Variants in PCBP3 observed in about 807,000 individuals in gnomAD.
PCBP3 encodes poly(rC)-binding protein 3.
A neutral mutation model predicts 52.7 loss-of-function variants in PCBP3; 25 were observed. That is an observed-to-expected ratio of 0.47 (90% confidence interval 0.35 to 0.66). PCBP3 has a LOEUF of 0.66. Among genes scored for constraint, PCBP3 ranks in the 30% least tolerant of loss-of-function variants. The probability of loss-of-function intolerance (pLI) is 0.01; values close to 1 mark genes in which losing one functional copy is unlikely to be tolerated. For missense variants in PCBP3, 391 were observed against 490.3 expected, an observed-to-expected ratio of 0.80 and a Z score of 1.91; for synonymous variants, 162 against 183.0, an observed-to-expected ratio of 0.89 and a Z score of 0.93.
rs1416305013 is a variant in PCBP3 at position 45,704,493 on chromosome 21, C to G, written c.-199-30899C>G. Among the ~76,000 whole-genome samples the G allele has an allele frequency of 6.6e-6, 1 of 152,132 alleles. No individual in the cohort carries two copies. Among genetic ancestry groups the G allele is most frequent in the Admixed American group, 6.5e-5 (1 of 15,278 alleles). ...CGTCTGCCCCCATTTTCCTGCTCTC[C>G]CCTGGCAGAGGCGCCCCAGGGGGCT... On this transcript the variant is annotated intron_variant, in intron 2 of 17. Coordinates refer to ENST00000681687, the MANE Select transcript of PCBP3 (RefSeq NM_001384156.1). This position sits in a 1 kb window ranked among gnomAD's most constrained non-coding sequence, Gnocchi z 4.1.
chr21:45,720,655 C>T (rs1229343370), intron 2 of PCBP3, among the ~76,000 whole-genome samples: 1 of 152,082 alleles, frequency 6.6e-6, no homozygotes, highest in Non-Finnish European at 1.5e-5. Context: ...TTTGAAAACA[C>T]CTTCACTGTA....
At chr21:45,708,344 A>G (rs1484263924) in intron 2 of PCBP3, among the ~76,000 whole-genome samples, 2 of 152,148 alleles carry the variant, frequency 1.3e-5, no homozygotes, top group African/African-American at 4.8e-5. Flanking sequence ...ATTTCTGCCC[A>G]ATTCCAAGGT....
At position 45,931,734 on chromosome 21, in the gene PCBP3, C is replaced by T. The variant is rs182970802; in HGVS notation, c.856+889C>T. Among the ~76,000 whole-genome samples the T allele has an allele frequency of 3.4e-3, 502 of 147,678 alleles. 3 individuals are homozygous for T. Among genetic ancestry groups the T allele is most frequent in the Admixed American group, 5.6e-3 (83 of 14,842 alleles). On this transcript the variant is annotated intron_variant, in intron 15 of 17. Coordinates refer to ENST00000681687, the MANE Select transcript of PCBP3 (RefSeq NM_001384156.1). ...AGATGAACAAACACGTCGGCCGTGC[C>T]GTCCTGAAATGAATGAACACATCAG...
intron 2 of PCBP3, among the ~76,000 whole-genome samples, chr21:45,702,831 C>T (rs558810373): frequency 3.3e-4 from 50 of 152,330 alleles, no homozygotes; most frequent in East Asian, 1.2e-3. Context: ...CCTTTCACCA[C>T]GGTATAACTT....
chr21:45,922,904 TC>T (rs1315349233), intron 13 of PCBP3, among the ~76,000 whole-genome samples: 2 of 152,212 alleles, frequency 1.3e-5, no homozygotes, highest in Admixed American at 1.3e-4. Flanking sequence ...ACGCTGGGAA[TC>T]AAGCGGACAC....
intron 5 of PCBP3, among the ~76,000 whole-genome samples, chr21:45,891,864 G>A (rs978390911): frequency 1.3e-5 from 2 of 152,188 alleles, no homozygotes; most frequent in South Asian, 4.1e-4. Context: ...GGGCCTCTGC[G>A]CCCCTTTGAC....
rs182729529 is a variant in PCBP3 at position 45,827,351 on chromosome 21, A to G, written c.-125-22610A>G. On this transcript the variant is annotated intron_variant, in intron 4 of 17. Coordinates refer to ENST00000681687, the MANE Select transcript of PCBP3 (RefSeq NM_001384156.1). The surrounding 1 kb of genome is among the most constrained non-coding windows in gnomAD (Gnocchi z 4.3). ...GATCTGGACATGATCATCACGTCAC[A>G]TCACATGGCCAGGTTTCAACTGCAG... is the stretch of plus-strand genomic sequence containing the variant. 9.8e-5 allele frequency among the ~76,000 whole-genome samples: 15 copies of G among 152,332 alleles called. No individual in the cohort carries two copies. The East Asian group carries it at 2.7e-3, about 27-fold the overall frequency.
At chr21:45,890,763 A>G (rs1352405696) in intron 5 of PCBP3, among the ~76,000 whole-genome samples, 1 of 148,818 alleles carries the variant, frequency 6.7e-6, no homozygotes, top group Non-Finnish European at 1.5e-5. Context: ...AACTCTGTGC[A>G]TTACTGATGG....
chr21:45,914,349 A>G (rs966584205), intron 12 of PCBP3: 3 of 513,602 alleles, frequency 5.8e-6, no homozygotes, highest in African/African-American at 2.0e-5. Context: ...GGCGCTTTCT[A>G]GGTGATTTTA....
At chr21:45,713,255 C>T (rs1019879098) in intron 2 of PCBP3, among the ~76,000 whole-genome samples, 3 of 152,194 alleles carry the variant, frequency 2.0e-5, no homozygotes, top group Non-Finnish European at 4.4e-5. Context: ...CAGCAAGCCC[C>T]TTCCTTGGCC....
chr21:45,707,176 C>T (rs767280082), intron 2 of PCBP3, among the ~76,000 whole-genome samples: 1 of 152,106 alleles, frequency 6.6e-6, no homozygotes, highest in Non-Finnish European at 1.5e-5. Context: ...GGATCTAGGT[C>T]AGTGCTTCTG....
chr21:45,842,868 T>A (rs1047015614), intron 4 of PCBP3, among the ~76,000 whole-genome samples: 14 of 152,192 alleles, frequency 9.2e-5, no homozygotes, highest in Non-Finnish European at 1.8e-4. Flanking sequence ...GTGCGTCCTG[T>A]CCTGTGCATG....
rs575704084 is a variant in PCBP3, at chr21:45,930,215, T to C, written c.796+220T>C. Among the ~76,000 whole-genome samples the C allele has an allele frequency of 2.8e-3, 421 of 152,308 alleles. 3 individuals are homozygous for C. The highest frequency in any genetic ancestry group is 0.01 in the Middle Eastern group (3 of 294). ...CCCACTGTTGGGGGCTGGTTCACCT[T>C]ACAGCTGGCCTTGCCATAGCCTTGC... On this transcript the variant is annotated intron_variant, in intron 14 of 17. Transcript: ENST00000681687.
chr21:45,878,769 G>C (rs2095330175), intron 5 of PCBP3, among the ~76,000 whole-genome samples: 1 of 152,200 alleles, frequency 6.6e-6, no homozygotes, highest in Non-Finnish European at 1.5e-5. Flanking sequence ...ACAGACCAGA[G>C]GACAACTCGA....
At chr21:45,848,663 A>C (rs1000154893) in intron 4 of PCBP3, among the ~76,000 whole-genome samples, 4 of 152,082 alleles carry the variant, frequency 2.6e-5, no homozygotes, top group Admixed American at 1.3e-4. Context: ...CTCATTTCAC[A>C]GTTTTTTGTT....
chr21:45,846,470 A>C (rs2093815274), intron 4 of PCBP3, among the ~76,000 whole-genome samples: 1 of 151,932 alleles, frequency 6.6e-6, no homozygotes, highest in Admixed American at 6.6e-5. Context: ...GTTTAAGAAG[A>C]AAGTATAATC....
At chr21:45,798,272 G>C (rs2092104694) in intron 4 of PCBP3, among the ~76,000 whole-genome samples, 1 of 87,618 alleles carries the variant, frequency 1.1e-5, no homozygotes, top group South Asian at 3.5e-4. Context: ...GAGAGTGAAT[G>C]GATGCGTACA....
At chr21:45,890,421 CTG>C (rs1330796320) in intron 5 of PCBP3, among the ~76,000 whole-genome samples, 2 of 151,926 alleles carry the variant, frequency 1.3e-5, no homozygotes, top group South Asian at 4.2e-4. Flanking sequence ...ACCTGGAACT[CTG>C]TGCACTGCTC....
intron 16 of PCBP3, among the ~76,000 whole-genome samples, chr21:45,936,529 G>C (rs1456467419): frequency 6.6e-6 from 1 of 152,186 alleles, no homozygotes; most frequent in Non-Finnish European, 1.5e-5. Context: ...CCAGGTGTGG[G>C]GTGGCACAGC....
Sources: allele counts gnomAD v4.1 joint callset (sites outside exome capture counted in the v4.1 genomes callset), GRCh38; gene constraint gnomAD v4.1.1; non-coding constraint Gnocchi (gnomAD v3.1); transcripts MANE v1.5; gene names NCBI Gene and HGNC (gene_info 2026-07-23, HGNC 2026-07-21).